Variants in GLG1 observed in about 807,000 individuals in gnomAD.
GLG1 encodes golgi glycoprotein 1, also known as Golgi apparatus protein 1.
A neutral mutation model predicts 160.5 loss-of-function variants in GLG1; 38 were observed. That is an observed-to-expected ratio of 0.24 (90% CI 0.18 to 0.31). The LOEUF is 0.31. Among genes scored for constraint, GLG1 ranks in the 10% least tolerant of loss-of-function variants. The pLI is 1.00. For missense variants in GLG1, 1,373 were observed against 1,505.2 expected, an observed-to-expected ratio of 0.91 and a Z score of 1.45; for synonymous variants, 644 against 543.4, an observed-to-expected ratio of 1.19 and a Z score of -2.57.
At chr16:74,542,731 A>G (rs188779425) in intron 1 of GLG1, among the ~76,000 whole-genome samples, 1,221 of 99,726 alleles carry the variant, frequency 0.012, 51 homozygotes, top group South Asian at 0.015. Context: ...GGAAGGAAGG[A>G]AGGGAGGAAG....
intron 2 of GLG1, among the ~76,000 whole-genome samples, chr16:74,529,760 C>T (rs1017051612): frequency 1.3e-5 from 2 of 151,108 alleles, no homozygotes; most frequent in Non-Finnish European, 2.9e-5. Flanking sequence ...ACTATTTGTC[C>T]CCCATTTTCA....
At chr16:74,509,970 A>T (rs899990539) in intron 2 of GLG1, among the ~76,000 whole-genome samples, 1 of 151,460 alleles carries the variant, frequency 6.6e-6, no homozygotes, top group Admixed American at 6.6e-5. Flanking sequence ...TACAAGTGCG[A>T]GCCAGCATGC....
chr16:74,549,310 T>C (rs909310214), intron 1 of GLG1, among the ~76,000 whole-genome samples: 1 of 152,138 alleles, frequency 6.6e-6, no homozygotes, highest in African/African-American at 2.4e-5. Flanking sequence ...ATCTTTTTTT[T>C]TGATATGGAG....
rs1567449557 is a variant in GLG1 at position 74,452,166 on chromosome 16, C to A, written c.*1001G>T. ...AAAGCAAAGTGAGTCAAACCTCTGG[C>A]TCCCACTTCCTGACCCACTGCTCCC... On this transcript the variant is annotated 3_prime_UTR_variant, in exon 26 of 26. Coordinates refer to ENST00000422840, the MANE Select transcript of GLG1 (RefSeq NM_001145667.2). 6.2e-7 allele frequency: 1 copy of A among 1,609,598 alleles called. No individual in the cohort carries two copies. Among genetic ancestry groups the A allele is most frequent in the Admixed American group, 1.7e-5 (1 of 59,382 alleles).
At chr16:74,532,040 A>G in intron 2 of GLG1, 81 bp downstream of exon 2, 1 of 569,622 alleles carries the variant, frequency 1.8e-6, no homozygotes, top group South Asian at 3.9e-5. Flanking sequence ...AGCACTTCCC[A>G]GAACAACAGG....
At chr16:74,581,795 C>T (rs1281661560) in intron 1 of GLG1, among the ~76,000 whole-genome samples, 1 of 152,050 alleles carries the variant, frequency 6.6e-6, no homozygotes, top group Non-Finnish European at 1.5e-5. Flanking sequence ...GCCTGTAATC[C>T]CAGCTACTCG....
Position 74,462,083 on chromosome 16 carries a change from G to T in GLG1, c.3036+11C>A. Reference sequence around the variant, plus strand: ...GCTCTGTGCGTAACCAGTTTTGCACGCAAATCCCACCTCGTCTGAGCAGTG... The same window carrying T: ...GCTCTGTGCGTAACCAGTTTTGCACTCAAATCCCACCTCGTCTGAGCAGTG... On this transcript the variant is annotated intron_variant, in intron 22 of 25. Transcript: ENST00000422840. 3.4e-6 allele frequency: 5 copies of T among 1,482,972 alleles called. No individual in the cohort carries two copies. The highest frequency in any genetic ancestry group is 4.7e-6 in the Non-Finnish European group (5 of 1,063,570). 91.9% of individuals were successfully genotyped at this position (1,482,972 alleles called of 1,614,324 possible). A position where few individuals can be genotyped will look rare whatever the true frequency, so the allele number is the denominator to read the frequency against.
chr16:74,572,190 G>A (rs1239180426), intron 1 of GLG1, among the ~76,000 whole-genome samples: 7 of 152,138 alleles, frequency 4.6e-5, no homozygotes, highest in Non-Finnish European at 1.0e-4. Context: ...AAAGGGCAAT[G>A]ATGCCTAAGT....
intron 20 of GLG1, 58 bp from the exon 21 acceptor site, chr16:74,462,688 A>G: frequency 6.6e-7 from 1 of 1,514,872 alleles, no homozygotes; most frequent in Non-Finnish European, 9.2e-7. Flanking sequence ...ACACATTTTT[A>G]GATATCCACC....
intron 2 of GLG1, among the ~76,000 whole-genome samples, chr16:74,526,669 A>G (rs2017344657): frequency 1.3e-5 from 2 of 152,222 alleles, no homozygotes; most frequent in Non-Finnish European, 2.9e-5. Flanking sequence ...AGCTGGAGTG[A>G]GCCGTGATCA....
rs1226194417 is a variant in GLG1, at chr16:74,522,535, T to C, written c.471+9586A>G. Among the ~76,000 whole-genome samples the C allele has an allele frequency of 3.3e-5, 5 of 152,226 alleles. 1 individual carries two copies. Among genetic ancestry groups the C allele is most frequent in the African/African-American group, 1.2e-4 (5 of 41,466 alleles). On this transcript the variant is annotated intron_variant, in intron 2 of 25. Transcript: ENST00000422840. Reference sequence around the variant, plus strand: ...CATCTTTGAGACATGGCAGATTAAGTATCTTACATATTTTTTTTTATTCCA... The same window carrying C: ...CATCTTTGAGACATGGCAGATTAAGCATCTTACATATTTTTTTTTATTCCA...
chr16:74,479,050 C>A (rs1283291182), intron 11 of GLG1, among the ~76,000 whole-genome samples: 8 of 4,020 alleles, frequency 2.0e-3, no homozygotes, highest in Admixed American at 0.012. Flanking sequence ...TATTAAAAAT[C>A]CAAAAAAAAA....
In GLG1 at chr16:74,459,836, A is replaced by G. The variant is rs376703306; in HGVS notation, c.3037-47T>C. 1.1e-4 allele frequency: 104 copies of G among 923,644 alleles called. 1 individual carries two copies. In the East Asian group the frequency reaches 2.2e-3, roughly 19 times the overall value. The allele number at this position is 923,644 out of a possible 1,614,324, so 57.2% of individuals were successfully genotyped here. ...CAAAGCTACCCCACTGAGCACAGAAATGAACTGACAGTTTCTTCTTTTTTT... is the reference window on the plus strand; with the variant it reads ...CAAAGCTACCCCACTGAGCACAGAAGTGAACTGACAGTTTCTTCTTTTTTT... On this transcript the variant is annotated intron_variant, in intron 22 of 25. Coordinates refer to ENST00000422840, the MANE Select transcript of GLG1 (RefSeq NM_001145667.2).
chr16:74,488,596 T>C (rs1179251650), intron 8 of GLG1, among the ~76,000 whole-genome samples: 1 of 152,024 alleles, frequency 6.6e-6, no homozygotes, highest in East Asian at 1.9e-4. Context: ...TTGGCTAAAT[T>C]TATTTTTTAT....
chr16:74,463,330 C>A (rs2143189047), intron 20 of GLG1, 26 bp downstream of exon 20: 1 of 1,612,548 alleles, frequency 6.2e-7, no homozygotes, highest in Non-Finnish European at 8.5e-7. Context: ...CTCCACGGGG[C>A]CAGGAGAGCC....
At chr16:74,518,287 C>A (rs573065942) in intron 2 of GLG1, among the ~76,000 whole-genome samples, 2 of 152,034 alleles carry the variant, frequency 1.3e-5, no homozygotes, top group African/African-American at 4.8e-5. Flanking sequence ...TCATGCTACC[C>A]GACTTCGAAC....
chr16:74,543,692 C>T (rs1378849292), intron 1 of GLG1, among the ~76,000 whole-genome samples: 1 of 152,124 alleles, frequency 6.6e-6, no homozygotes, highest in Non-Finnish European at 1.5e-5. Context: ...TAAATATTAA[C>T]AAAGATGCAA....
intron 2 of GLG1, among the ~76,000 whole-genome samples, chr16:74,512,753 T>C (rs1597291282): frequency 6.8e-6 from 1 of 146,876 alleles, no homozygotes; most frequent in South Asian, 2.2e-4. Flanking sequence ...GAAGGAAGAG[T>C]CAGGTTGGAA....
intron 4 of GLG1, among the ~76,000 whole-genome samples, chr16:74,500,804 T>G (rs1256434827): frequency 6.6e-6 from 1 of 152,222 alleles, no homozygotes; most frequent in Non-Finnish European, 1.5e-5. Flanking sequence ...ATCATTTATA[T>G]CTTTACTTTT....
Sources: gnomAD v4.1 joint callset for allele counts (sites outside exome capture counted in the v4.1 genomes callset) on GRCh38, gnomAD v4.1.1 for gene constraint, MANE v1.5 for transcripts, NCBI Gene and HGNC (gene_info 2026-07-23, HGNC 2026-07-21) for gene names.